Variants in FMO2 observed in about 807,000 individuals in gnomAD.
The protein encoded by FMO2 is flavin-containing monooxygenase 2.
A neutral mutation model predicts 41.6 loss-of-function variants in FMO2; 33 were observed. That is an observed-to-expected ratio of 0.79 (90% CI 0.60 to 1.06). The LOEUF (loss-of-function observed/expected upper bound fraction) is 1.06, where lower values mean the gene tolerates loss of function less well. FMO2 is among the 50% of genes least tolerant of loss of function. FMO2 has a pLI of 0.00. For missense variants in FMO2, 619 were observed against 632.9 expected (o/e 0.98, Z 0.23); for synonymous variants, 214 against 219.6 (o/e 0.97, Z 0.23).
At chr1:171,202,951 G>A (rs1366072233) in intron 5 of FMO2, among the ~76,000 whole-genome samples, 4 of 152,052 alleles carry the variant, frequency 2.6e-5, no homozygotes, top group Non-Finnish European at 4.4e-5. Flanking sequence ...GGAAACAAGG[G>A]AAATCTTAAT....
At chr1:171,202,421 A>G (rs1225802318) in intron 5 of FMO2, among the ~76,000 whole-genome samples, 1 of 152,168 alleles carries the variant, frequency 6.6e-6, no homozygotes, top group Admixed American at 6.5e-5. Flanking sequence ...CAAGCTAGGA[A>G]TGTAAGGCCC....
chr1:171,201,173 CTAT>C (rs1186056072), intron 5 of FMO2, among the ~76,000 whole-genome samples: 22 of 152,144 alleles, frequency 1.4e-4, no homozygotes, highest in Non-Finnish European at 1.5e-5. Flanking sequence ...CCATCTCCCT[CTAT>C]CAGTGTAAAT....
chr1:171,202,620 G>GT (rs1171579230), intron 5 of FMO2, among the ~76,000 whole-genome samples: 1 of 152,218 alleles, frequency 6.6e-6, no homozygotes, highest in Non-Finnish European at 1.5e-5. Context: ...GGTAGGTACT[G>GT]TTAATACCCC....
Position 171,199,421 on chromosome 1 carries a change from TC to T in FMO2, c.562del (p.Leu188TrpfsTer2). On this transcript the variant is annotated frameshift_variant, in exon 5 of 9. Coordinates refer to ENST00000209929, the MANE Select transcript of FMO2 (RefSeq NM_001460.5). LOFTEE classifies it high-confidence loss of function. ...KHPDGFEGKR[I>X]LVIGMGNSGS... Reference sequence around the variant, plus strand: ...CCAGATGGATTTGAGGGAAAACGCATCCTGGTGATTGGAATGGGAAACTCAG... The same window carrying T: ...CCAGATGGATTTGAGGGAAAACGCATCTGGTGATTGGAATGGGAAACTCAG... The T allele has an allele frequency of 6.2e-7, 1 of 1,612,678 alleles. No homozygotes were observed. The highest frequency in any genetic ancestry group is 2.2e-5 in the East Asian group (1 of 44,750).
rs900882236 is a variant in FMO2 at position 171,187,441 on chromosome 1, C to A, written c.132+1596C>A. Among the ~76,000 whole-genome samples, 8 of 152,100 alleles carry A rather than the reference C, an allele frequency of 5.3e-5. No individual in the cohort carries two copies. In the East Asian group the frequency reaches 1.5e-3, roughly 29 times the overall value. On this transcript the variant is annotated intron_variant, in intron 2 of 8. Transcript: ENST00000209929. ...TTCAAATTGAATCTCATGCCAACAG[C>A]GATCTTTTTTAACATGTAACATTAG... is the stretch of plus-strand genomic sequence containing the variant.
rs1375951669 is a variant in FMO2, at chr1:171,209,545, T to A, written c.*400T>A. 1 of 154,836 alleles carries A rather than the reference T, an allele frequency of 6.5e-6. No homozygotes were observed. Among genetic ancestry groups the A allele is most frequent in the Non-Finnish European group, 1.4e-5 (1 of 69,920 alleles). The allele number at this position is 154,836 out of a possible 1,614,324, so 9.6% of individuals were successfully genotyped here. A position where few individuals can be genotyped will look rare whatever the true frequency, so the allele number is the denominator to read the frequency against. ...AAATATTTAAAACTCCTGAACAATG[T>A]TTCTGATGGTCTTCTATCCACCCTA... is the stretch of plus-strand genomic sequence containing the variant. On this transcript the variant is annotated 3_prime_UTR_variant, in exon 9 of 9. Coordinates refer to ENST00000209929, the MANE Select transcript of FMO2 (RefSeq NM_001460.5).
chr1:171,185,807 G>T lies in FMO2; in HGVS notation c.94G>T (p.Glu32Ter), dbSNP rs1425988271. Residue 32 changes from glutamate (E) to a stop codon, truncating the protein, a stop_gained, in exon 2 of 9, where the codon GAG (glutamate) becomes TAG (stop). Coordinates refer to ENST00000209929, the MANE Select transcript of FMO2 (RefSeq NM_001460.5). LOFTEE classifies it high-confidence loss of function. ...TGAGGGACTTGAGCCCACTTGCTTT[G>T]AGAGAACTGAAGATATTGGAGGAGT... ...VDEGLEPTCF[E>*]RTEDIGGVWR... The T allele has an allele frequency of 6.2e-7, 1 of 1,613,742 alleles. No individual in the cohort carries two copies. The highest frequency in any genetic ancestry group is 1.3e-5 in the African/African-American group (1 of 74,880).
intron 5 of FMO2, among the ~76,000 whole-genome samples, chr1:171,200,539 C>T (rs1658492526): frequency 6.6e-6 from 1 of 152,124 alleles, no homozygotes; most frequent in Non-Finnish European, 1.5e-5. Flanking sequence ...CTAAGTCTTA[C>T]ACTTTCAGGA....
intron 7 of FMO2, 141 bp from the exon 8 acceptor site, chr1:171,207,577 C>A (rs941451707): frequency 7.7e-6 from 5 of 651,008 alleles, no homozygotes; most frequent in Non-Finnish European, 1.4e-5. Context: ...GGGGGTGGCA[C>A]CCCCTGAAGT....
rs1195846373 is a variant in FMO2, at chr1:171,205,477, C to T, written c.1026C>T (p.Leu342=). 3.7e-6 allele frequency: 6 copies of T among 1,613,676 alleles called. No homozygotes were observed. The highest frequency in any genetic ancestry group is 1.1e-5 in the South Asian group (1 of 91,068). ...SFSFPFLEDS[L]VKVENNMVSL... ...CTTTTCCCTTCCTTGAAGATTCACT[C>T]GTTAAAGTAGAGAATAATATGGTCT... The change falls in exon 7 of 9, where the codon CTC becomes CTT. Residue 342 remains leucine, a synonymous_variant. Coordinates refer to ENST00000209929, the MANE Select transcript of FMO2 (RefSeq NM_001460.5).
At chr1:171,186,994 G>C (rs952755253) in intron 2 of FMO2, among the ~76,000 whole-genome samples, 15 of 152,210 alleles carry the variant, frequency 9.9e-5, no homozygotes, top group Non-Finnish European at 1.9e-4. Flanking sequence ...CGGACTCATA[G>C]AGTTCAATAA....
intron 5 of FMO2, 120 bp from the exon 6 acceptor site, chr1:171,203,745 T>A: frequency 1.2e-6 from 1 of 834,180 alleles, no homozygotes; most frequent in South Asian, 1.7e-5. Flanking sequence ...AGGTCAATCA[T>A]CTTTAAAACA....
At chr1:171,192,317 T>A (rs1658116254) in intron 2 of FMO2, among the ~76,000 whole-genome samples, 1 of 152,216 alleles carries the variant, frequency 6.6e-6, no homozygotes, top group African/African-American at 2.4e-5. Context: ...TGTATTCTAG[T>A]GCAAACTCTC....
chr1:171,206,503 G>A lies in FMO2; in HGVS notation c.1183+869G>A, dbSNP rs535306818. 5.3e-5 allele frequency among the ~76,000 whole-genome samples: 8 copies of A among 152,306 alleles called. No homozygotes were observed. The South Asian group carries it at 1.7e-3, about 32-fold the overall frequency. ...TTGGAGAAGAAGGAGACAGGACACAGGAATTTTGTAAGACATGCTATGGAG... is the reference window on the plus strand; with the variant it reads ...TTGGAGAAGAAGGAGACAGGACACAAGAATTTTGTAAGACATGCTATGGAG... On this transcript the variant is annotated intron_variant, in intron 7 of 8. Transcript: ENST00000209929.
chr1:171,196,788 A>G lies in FMO2; in HGVS notation c.461A>G (p.His154Arg). The G allele has an allele frequency of 1.2e-6, 2 of 1,613,370 alleles. No homozygotes were observed. The highest frequency in any genetic ancestry group is 1.7e-6 in the Non-Finnish European group (2 of 1,179,740). Residue 154 changes from histidine (H) to arginine (R), a missense_variant, in exon 4 of 9, where the codon CAT becomes CGT. Physicochemically the swap from His to Arg is conservative, Grantham distance 29. Coordinates refer to ENST00000209929, the MANE Select transcript of FMO2 (RefSeq NM_001460.5). ...TGCAGTGGCCACCACATTCTACCTC[A>G]TATCCCACTGAAGTCATTTCCAGGT... Reference protein sequence around the residue: ...MVCSGHHILPHIPLKSFPGME... With the variant: ...MVCSGHHILPRIPLKSFPGME...
chr1:171,195,288 C>T (rs944440500), intron 3 of FMO2, among the ~76,000 whole-genome samples: 6 of 152,188 alleles, frequency 3.9e-5, no homozygotes, highest in African/African-American at 9.7e-5. Context: ...ATGTAATCTA[C>T]ATCAGTGCTT....
Position 171,207,759 on chromosome 1 carries a change from A to C in FMO2, c.1225A>C (p.Ile409Leu). ...CTCAGAGAGAACTATGATGATGGAC[A>C]TTATCAAAAGGAATGAAAAAAGAAT... is the stretch of plus-strand genomic sequence containing the variant. ...LPSERTMMMD[I>L]IKRNEKRIDL... Residue 409 changes from isoleucine (I) to leucine (L), a missense_variant, in exon 8 of 9, where the codon ATT (isoleucine) becomes CTT (leucine). Ile to Leu is a conservative substitution (Grantham distance 5). Transcript: ENST00000209929. 5.6e-6 allele frequency: 9 copies of C among 1,610,118 alleles called. No individual in the cohort carries two copies. The highest frequency in any genetic ancestry group is 7.6e-6 in the Non-Finnish European group (9 of 1,176,876).
chr1:171,201,977 A>C (rs1163735350), intron 5 of FMO2, among the ~76,000 whole-genome samples: 3 of 152,174 alleles, frequency 2.0e-5, no homozygotes, highest in African/African-American at 7.2e-5. Flanking sequence ...TTAAGGTGAG[A>C]TGTGGGTAGG....
chr1:171,198,893 T>C (rs1362334405), intron 4 of FMO2, among the ~76,000 whole-genome samples: 1 of 151,740 alleles, frequency 6.6e-6, no homozygotes, highest in African/African-American at 2.4e-5. Context: ...GTCCTGTTTT[T>C]TTGTTTGTTT....
Sources: allele counts gnomAD v4.1 joint callset (sites outside exome capture counted in the v4.1 genomes callset), GRCh38; gene constraint gnomAD v4.1.1; transcripts MANE v1.5; gene names NCBI Gene and HGNC (gene_info 2026-07-23, HGNC 2026-07-21).